The following GNG7 variants were observed in gnomAD, a reference collection of about 807,000 sequenced individuals.
GNG7 encodes G protein subunit gamma 7, also known as guanine nucleotide-binding protein G(I)/G(S)/G(O) subunit gamma-7.
A neutral mutation model predicts 4.0 loss-of-function variants in GNG7; 1 was observed. That is an observed-to-expected ratio of 0.25 (90% CI 0.09 to 1.18). GNG7 has a LOEUF of 1.18. Ranked by LOEUF, GNG7 falls within the 50% of genes most tolerant of loss-of-function variation. The pLI, the probability that GNG7 is intolerant of heterozygous loss-of-function variation, is 0.50. For synonymous variants in GNG7, 34 were observed against 36.9 expected, an observed-to-expected ratio of 0.92 and a Z score of 0.29; for missense variants, 86 against 91.9, an observed-to-expected ratio of 0.94 and a Z score of 0.26.
At chr19:2,536,580 T>C (rs984173073) in intron 3 of GNG7, among the ~76,000 whole-genome samples, 2 of 152,236 alleles carry the variant, frequency 1.3e-5, no homozygotes, top group African/African-American at 4.8e-5. Context: ...GTTTCTGGCT[T>C]GCAGACAAGA....
At chr19:2,663,950 A>C (rs936792794) in intron 1 of GNG7, among the ~76,000 whole-genome samples, 2 of 152,182 alleles carry the variant, frequency 1.3e-5, no homozygotes, top group Non-Finnish European at 2.9e-5. Flanking sequence ...GAGCACCCCC[A>C]AGTCACGGTA....
chr19:2,580,563 T>C (rs540995691), intron 2 of GNG7, among the ~76,000 whole-genome samples: 202 of 152,086 alleles, frequency 1.3e-3, no homozygotes, highest in Middle Eastern at 3.4e-3. Context: ...AGTGCTGGGA[T>C]TGCAGGCATG....
At chr19:2,683,180 A>C (rs1983785508) in intron 1 of GNG7, among the ~76,000 whole-genome samples, 1 of 151,980 alleles carries the variant, frequency 6.6e-6, no homozygotes, top group African/African-American at 2.4e-5. Flanking sequence ...CAGAGGTTGC[A>C]GTGAGCCGAG....
chr19:2,568,299 G>GCA lies in GNG7; in HGVS notation c.-77-13113_-77-13112dup, dbSNP rs1491505190. Among the ~76,000 whole-genome samples, 5 of 111,152 alleles carry GCA rather than the reference G, an allele frequency of 4.5e-5. No homozygotes were observed. In the South Asian group the frequency reaches 1.0e-3, roughly 23 times the overall value. 72.9% of individuals were successfully genotyped at this position (111,152 alleles called of 152,430 possible). A position where few individuals can be genotyped will look rare whatever the true frequency, so the allele number is the denominator to read the frequency against. On this transcript the variant is annotated intron_variant, in intron 2 of 4. Transcript: ENST00000382159. ...TATAGACTTACACACATATACACAC[G>GCA]CACACACATACACACGCACACACAC...
chr19:2,639,899 G>A, intron 2 of GNG7, among the ~76,000 whole-genome samples: 1 of 68,344 alleles, frequency 1.5e-5, no homozygotes, highest in Non-Finnish European at 3.0e-5. Context: ...GAGAGGGAAG[G>A]AGGGAGGGAG....
chr19:2,559,526 T>C (rs1979671674), intron 2 of GNG7, among the ~76,000 whole-genome samples: 2 of 151,778 alleles, frequency 1.3e-5, no homozygotes, highest in Admixed American at 1.3e-4. Context: ...TAATTTTTTT[T>C]TCTCTCAAGA....
chr19:2,564,682 CT>C (rs1385798360), intron 2 of GNG7, among the ~76,000 whole-genome samples: 1 of 152,098 alleles, frequency 6.6e-6, no homozygotes, highest in Non-Finnish European at 1.5e-5. Context: ...ACAAGCCAGA[CT>C]CCTAGAGCCC....
chr19:2,602,737 C>T (rs761225077), intron 2 of GNG7, among the ~76,000 whole-genome samples: 1 of 152,166 alleles, frequency 6.6e-6, no homozygotes, highest in Non-Finnish European at 1.5e-5. Context: ...GGGCAGAGGG[C>T]CACCCGGCCC....
intron 2 of GNG7, among the ~76,000 whole-genome samples, chr19:2,567,520 T>A (rs1053449848): frequency 1.3e-4 from 20 of 152,084 alleles, no homozygotes; most frequent in Non-Finnish European, 2.5e-4. Flanking sequence ...TAGATGGGGT[T>A]TCGCCATTTT....
At chr19:2,658,813 T>C (rs746924216) in intron 1 of GNG7, among the ~76,000 whole-genome samples, 4 of 152,108 alleles carry the variant, frequency 2.6e-5, no homozygotes, top group African/African-American at 7.2e-5. Flanking sequence ...GAGGGTAACA[T>C]TGGGGGAAAT....
chr19:2,632,637 GC>G (rs1298317880), intron 2 of GNG7: 1 of 152,202 alleles, frequency 6.6e-6, no homozygotes, highest in African/African-American at 2.4e-5. Context: ...GGGTGAGGCT[GC>G]CCTGGCACTG....
chr19:2,679,682 C>G (rs555671153), intron 1 of GNG7, among the ~76,000 whole-genome samples: 1 of 152,172 alleles, frequency 6.6e-6, no homozygotes, highest in African/African-American at 2.4e-5. Flanking sequence ...CTCCATGATT[C>G]GCCACCTTTC....
chr19:2,595,632 G>A (rs1274650878), intron 2 of GNG7, among the ~76,000 whole-genome samples: 1 of 151,756 alleles, frequency 6.6e-6, no homozygotes, highest in East Asian at 2.0e-4. Context: ...CTACTCGGGA[G>A]GCTGAGGCAG....
intron 2 of GNG7, among the ~76,000 whole-genome samples, chr19:2,627,440 G>T (rs1460817307): frequency 6.6e-6 from 1 of 152,170 alleles, no homozygotes; most frequent in African/African-American, 2.4e-5. Flanking sequence ...ACTTCCTCCG[G>T]GCGCCTGTCC....
chr19:2,567,894 T>G (rs1485093646), intron 2 of GNG7, among the ~76,000 whole-genome samples: 2 of 152,128 alleles, frequency 1.3e-5, no homozygotes, highest in African/African-American at 2.4e-5. Flanking sequence ...CACCACGCGC[T>G]CAGGCATGGA....
At chr19:2,619,266 C>T (rs1469727981) in intron 2 of GNG7, among the ~76,000 whole-genome samples, 2 of 152,218 alleles carry the variant, frequency 1.3e-5, no homozygotes, top group East Asian at 3.8e-4. Flanking sequence ...ATCTAGCTGA[C>T]TGTGTGTTTT....
At chr19:2,555,431 A>G (rs1979513548) in intron 2 of GNG7, among the ~76,000 whole-genome samples, 1 of 152,174 alleles carries the variant, frequency 6.6e-6, no homozygotes, top group African/African-American at 2.4e-5. Flanking sequence ...AGGGCAAATT[A>G]TCTTCCAGAA....
At chr19:2,627,559 C>G (rs1186649427) in intron 2 of GNG7, among the ~76,000 whole-genome samples, 1 of 152,238 alleles carries the variant, frequency 6.6e-6, no homozygotes, top group Non-Finnish European at 1.5e-5. Context: ...GGCTTTCTGT[C>G]ACTCCCGGCT....
chr19:2,638,427 A>AG (rs1982377651), intron 2 of GNG7, among the ~76,000 whole-genome samples: 1 of 39,052 alleles, frequency 2.6e-5, no homozygotes, highest in Non-Finnish European at 5.1e-5. Flanking sequence ...GGGAAGGGGA[A>AG]GGAGGGGAAG....
Sources: allele counts gnomAD v4.1 joint callset (sites outside exome capture counted in the v4.1 genomes callset), GRCh38; gene constraint gnomAD v4.1.1; transcripts MANE v1.5; gene names NCBI Gene and HGNC (gene_info 2026-07-23, HGNC 2026-07-21).